Variants in HTR4 observed in about 807,000 individuals in gnomAD.
The protein encoded by HTR4 is 5-hydroxytryptamine (serotonin) receptor 4, G protein-coupled.
HTR4 carries 16 observed loss-of-function variants against 36.8 expected under a neutral mutation model. The ratio of observed to expected loss-of-function variants is 0.43; its 90% CI spans 0.29 to 0.66. The LOEUF (loss-of-function observed/expected upper bound fraction) is 0.66, where lower values mean the gene tolerates loss of function less well. Ranked by LOEUF, HTR4 falls within the 30% of genes least tolerant of loss-of-function variation. HTR4 has a pLI of 0.13. For missense variants in HTR4, 438 were observed against 490.9 expected (o/e 0.89, Z 1.02); for synonymous variants, 189 against 185.1 (o/e 1.02, Z -0.17).
intron 6 of HTR4, among the ~76,000 whole-genome samples, chr5:148,503,411 G>A (rs1757030913): frequency 6.6e-6 from 1 of 152,116 alleles, no homozygotes; most frequent in Non-Finnish European, 1.5e-5. Context: ...AAGTGAAGGA[G>A]AAATAAAATA....
At chr5:148,468,996 G>A (rs1386778035) in intron 5 of HTR4, among the ~76,000 whole-genome samples, 1 of 151,946 alleles carries the variant, frequency 6.6e-6, no homozygotes, top group Non-Finnish European at 1.5e-5. Context: ...GTTTCCTGAG[G>A]CCTCCCCAGC....
At chr5:148,505,364 G>T (rs1757143312) in intron 6 of HTR4, among the ~76,000 whole-genome samples, 1 of 152,086 alleles carries the variant, frequency 6.6e-6, no homozygotes, top group African/African-American at 2.4e-5. Context: ...GTATTGATGG[G>T]ACATATATCA....
intron 6 of HTR4, among the ~76,000 whole-genome samples, chr5:148,494,811 G>A (rs1362163157): frequency 6.6e-6 from 1 of 152,178 alleles, no homozygotes; most frequent in Non-Finnish European, 1.5e-5. Flanking sequence ...TAACTAGTGT[G>A]ATTAAAAAAC....
chr5:148,513,009 T>TC (rs1757567316), intron 5 of HTR4, among the ~76,000 whole-genome samples: 1 of 142,556 alleles, frequency 7.0e-6, no homozygotes, highest in Admixed American at 7.0e-5. Flanking sequence ...TTTTTATGTC[T>TC]TTTTTTTTTA....
chr5:148,638,802 C>T (rs1256180091), intron 1 of HTR4, among the ~76,000 whole-genome samples: 2 of 152,106 alleles, frequency 1.3e-5, no homozygotes, highest in Admixed American at 1.3e-4. Context: ...TGCCTATAAT[C>T]CCAACACTTT....
downstream of HTR4, among the ~76,000 whole-genome samples, chr5:148,476,419 T>C (rs1179040612): frequency 6.6e-6 from 1 of 152,204 alleles, no homozygotes; most frequent in Admixed American, 6.5e-5. Context: ...ATTTTAAAAC[T>C]CTAATCTTTC....
chr5:148,521,373 C>T (rs1758005210), intron 5 of HTR4, among the ~76,000 whole-genome samples: 1 of 152,046 alleles, frequency 6.6e-6, no homozygotes, highest in Admixed American at 6.6e-5. Context: ...ACTGCCTTTC[C>T]CAATGCAGGT....
chr5:148,487,391 A>G lies in HTR4; in HGVS notation c.1077-4098T>C, dbSNP rs566138393. Among the ~76,000 whole-genome samples, 42 of 152,262 alleles carry G rather than the reference A, an allele frequency of 2.8e-4. No homozygotes were observed. The South Asian group carries it at 8.1e-3, about 29-fold the overall frequency. ...TGTGGAAGAAAGAATAGGAGGAGGA[A>G]GAAGGAGAAGAGGAGGAAGAAGAAA... is the stretch of plus-strand genomic sequence containing the variant. On this transcript the variant is annotated intron_variant, in intron 6 of 6. Transcript: ENST00000377888.
At chr5:148,578,301 T>A (rs1294018685) in intron 2 of HTR4, among the ~76,000 whole-genome samples, 1 of 152,024 alleles carries the variant, frequency 6.6e-6, no homozygotes, top group Non-Finnish European at 1.5e-5. Context: ...CAATAAATTA[T>A]AAACACTCTA....
At chr5:148,620,259 A>G (rs1045798637) in intron 2 of HTR4, among the ~76,000 whole-genome samples, 1 of 152,266 alleles carries the variant, frequency 6.6e-6, no homozygotes, top group Non-Finnish European at 1.5e-5. Flanking sequence ...GAAACTGATC[A>G]GTCTGTAATG....
downstream of HTR4, among the ~76,000 whole-genome samples, chr5:148,472,588 G>T (rs1202313576): frequency 6.6e-6 from 1 of 152,150 alleles, no homozygotes; most frequent in Non-Finnish European, 1.5e-5. Flanking sequence ...GGGAGATTAT[G>T]GTTGTTGCCC....
In HTR4 at chr5:148,550,186, A is replaced by G; in HGVS notation, c.103T>C (p.Leu35=). Residue 35 remains leucine, a synonymous_variant, in exon 3 of 7, where the codon TTG becomes CTG. Coordinates refer to ENST00000377888, the MANE Select transcript of HTR4 (RefSeq NM_000870.7). The part of the protein sequence containing the change: ...FLSTVILMAI[L]GNLLVMVAVC... ...GCCACCATCACCAGCAGGTTCCCCA[A>G]GATGGCCATCAGGATAACCGTCGAG... 2 of 1,614,170 alleles carry G rather than the reference A, an allele frequency of 1.2e-6. No individual in the cohort carries two copies. The highest frequency in any genetic ancestry group is 1.1e-5 in the South Asian group (1 of 91,080).
intron 6 of HTR4, among the ~76,000 whole-genome samples, chr5:148,483,934 ATTATTTATTTAT>A (rs146566008): frequency 0.09 from 13,095 of 144,720 alleles, 891 homozygotes; most frequent in African/African-American, 0.19. Context: ...AGTTGATTTT[ATTATTTATTTAT>A]TTATTTATTT....
chr5:148,606,672 G>A (rs1045956572), intron 2 of HTR4, among the ~76,000 whole-genome samples: 1 of 152,152 alleles, frequency 6.6e-6, no homozygotes, highest in African/African-American at 2.4e-5. Flanking sequence ...ATTCAACTCT[G>A]TATGATGGTT....
chr5:148,504,194 C>T (rs936504076), intron 6 of HTR4, among the ~76,000 whole-genome samples: 10 of 152,174 alleles, frequency 6.6e-5, no homozygotes, highest in Non-Finnish European at 1.3e-4. Context: ...AATATACATT[C>T]GTCTCAGCAC....
At chr5:148,485,709 T>C (rs923790324) in intron 6 of HTR4, among the ~76,000 whole-genome samples, 2 of 152,228 alleles carry the variant, frequency 1.3e-5, no homozygotes, top group East Asian at 1.9e-4. Context: ...GAAAAAATCC[T>C]GTGAAGGTAG....
chr5:148,483,299 G>A lies in HTR4; in HGVS notation c.1077-6C>T, dbSNP rs1392632362. On this transcript the variant is annotated splice_polypyrimidine_tract_variant and splice_region_variant and intron_variant, in intron 6 of 6. Coordinates refer to ENST00000377888, the MANE Select transcript of HTR4 (RefSeq NM_000870.7). ...CACCACACTCCACTGCATCCCTAGA[G>A]AGAGGAGAAGATTACAGAACCTCAG... 3 of 1,609,900 alleles carry A rather than the reference G, an allele frequency of 1.9e-6. No individual in the cohort carries two copies.
At chr5:148,496,670 A>G (rs1756698987) in intron 6 of HTR4, among the ~76,000 whole-genome samples, 1 of 152,170 alleles carries the variant, frequency 6.6e-6, no homozygotes, top group South Asian at 2.1e-4. Flanking sequence ...GAGCTGCCCA[A>G]ACTTTGAGCA....
chr5:148,557,998 ACC>A lies in HTR4; in HGVS notation c.27-7738_27-7737del, dbSNP rs1440882341. Reference sequence around the variant, plus strand: ...CTCCGCAGTAAGTGTCTCCTCTCCCACCTGTTAGGAGTGTCATGTACACAAGA... The same window carrying A: ...CTCCGCAGTAAGTGTCTCCTCTCCCATGTTAGGAGTGTCATGTACACAAGA... On this transcript the variant is annotated intron_variant, in intron 2 of 6. Transcript: ENST00000377888. Among the ~76,000 whole-genome samples the A allele has an allele frequency of 4.1e-4, 62 of 151,894 alleles. 1 individual carries two copies. The highest frequency in any genetic ancestry group is 1.4e-3 in the African/African-American group (58 of 41,448).
Sources: gnomAD v4.1 joint callset for allele counts (sites outside exome capture counted in the v4.1 genomes callset) on GRCh38, gnomAD v4.1.1 for gene constraint, MANE v1.5 for transcripts, NCBI Gene and HGNC (gene_info 2026-07-23, HGNC 2026-07-21) for gene names.